SPG11: variants seen among roughly 807,000 people sequenced by gnomAD.
SPG11 encodes the protein spatacsin.
A neutral mutation model predicts 274.0 loss-of-function variants in SPG11; 222 were observed. The observed-to-expected ratio is 0.81, with a 90% CI of 0.73 to 0.91. The LOEUF (loss-of-function observed/expected upper bound fraction) is 0.91, where lower values mean the gene tolerates loss of function less well. Among genes scored for constraint, SPG11 ranks in the 40% least tolerant of loss-of-function variants. The pLI, the probability that SPG11 is intolerant of heterozygous loss-of-function variation, is 0.00. For synonymous variants in SPG11, 1,144 were observed against 1,039.7 expected, an observed-to-expected ratio of 1.10 and a Z score of -1.93; for missense variants, 3,114 against 2,872.7, an observed-to-expected ratio of 1.08 and a Z score of -1.92.
chr15:44,633,927 C>T (rs2141057921), intron 7 of SPG11, among the ~76,000 whole-genome samples: 1 of 152,040 alleles, frequency 6.6e-6, no homozygotes, highest in East Asian at 1.9e-4. Context: ...CAACCTTTAT[C>T]TCTCAGGTTC....
intron 11 of SPG11, among the ~76,000 whole-genome samples, chr15:44,624,255 A>G (rs1465888174): frequency 3.3e-5 from 5 of 152,020 alleles, no homozygotes; most frequent in Non-Finnish European, 7.4e-5. Flanking sequence ...TGGGAGACCA[A>G]GGCAGGAGGA....
chr15:44,588,783 A>G (rs562148408), intron 28 of SPG11: 1 of 294,922 alleles, frequency 3.4e-6, no homozygotes, highest in African/African-American at 2.2e-5. Flanking sequence ...GGCAATGTTA[A>G]TTACCGTCTA....
In SPG11 at chr15:44,600,353, T is replaced by C. The variant is rs1433262104; in HGVS notation, c.3686+114A>G. On this transcript the variant is annotated intron_variant, in intron 21 of 39. Coordinates refer to ENST00000261866, the MANE Select transcript of SPG11 (RefSeq NM_025137.4). ...AGGCTAGAGTGCAGTGGCATGACCA[T>C]AGCTCACTGCTTCCTTGAACTCCTG... 2.3e-5 allele frequency: 27 copies of C among 1,149,806 alleles called. 1 individual carries two copies. The highest frequency in any genetic ancestry group is 2.0e-4 in the Middle Eastern group (1 of 5,088). The allele number at this position is 1,149,806 out of a possible 1,614,324, so 71.2% of individuals were successfully genotyped here.
Position 44,622,253 on chromosome 15 carries a change from A to C in SPG11, c.2411T>G (p.Phe804Cys). ...HQVEKLYLGH[F>C]QENMQIQSFP... is the part of the protein sequence containing the mutation. ...TGACTGGATTTGCATATTTTCTTGG[A>C]AATGTCCCAAATAAAGCTTCTCAAC... Residue 804 changes from phenylalanine (F) to cysteine (C), a missense_variant, in exon 13 of 40, where the codon TTC (phenylalanine) becomes TGC (cysteine). Physicochemically the swap from Phe to Cys is radical, Grantham distance 205. Transcript: ENST00000261866. 1 of 1,612,276 alleles carries C rather than the reference A, an allele frequency of 6.2e-7. No individual in the cohort carries two copies. Among genetic ancestry groups the C allele is most frequent in the Non-Finnish European group, 8.5e-7 (1 of 1,178,536 alleles).
In SPG11 at chr15:44,609,192, C is replaced by T. The variant is rs916957130; in HGVS notation, c.3292-587G>A. On this transcript the variant is annotated intron_variant, in intron 18 of 39. Transcript: ENST00000261866. ...GTGGGCCCAGGCTGGAGTGCAATGG[C>T]GCGATCTCGGCTCACTGCAAGCTCC... is the stretch of plus-strand genomic sequence containing the variant. 4.0e-5 allele frequency among the ~76,000 whole-genome samples: 6 copies of T among 151,638 alleles called. No individual in the cohort carries two copies. The East Asian group carries it at 5.8e-4, about 15-fold the overall frequency.
At chr15:44,595,970 G>T (rs2083025047) in intron 25 of SPG11, 113 bp downstream of exon 25, 2 of 1,398,420 alleles carry the variant, frequency 1.4e-6, no homozygotes, top group South Asian at 2.4e-5. Context: ...GGAAACACAT[G>T]CTGGAACCTC....
At chr15:44,590,068 A>G (rs1478622169) in intron 27 of SPG11, among the ~76,000 whole-genome samples, 1 of 152,150 alleles carries the variant, frequency 6.6e-6, no homozygotes. Flanking sequence ...TGGCCTCCCA[A>G]AGTGCTGGGA....
intron 20 of SPG11, among the ~76,000 whole-genome samples, chr15:44,605,133 G>C (rs2083288474): frequency 6.6e-6 from 1 of 152,038 alleles, no homozygotes; most frequent in Admixed American, 6.6e-5. Context: ...CCACCTAAGT[G>C]ATGGAGTTGG....
chr15:44,584,693 G>T, intron 29 of SPG11, 135 bp from the exon 30 acceptor site: 1 of 1,058,222 alleles, frequency 9.4e-7, no homozygotes, highest in South Asian at 1.3e-5. Context: ...CAGTGGTGGC[G>T]ATCACAGCAC....
Position 44,621,776 on chromosome 15 carries a change from G to T in SPG11, c.2603C>A (p.Pro868His). The T allele has an allele frequency of 6.2e-7, 1 of 1,613,692 alleles. No homozygotes were observed. The highest frequency in any genetic ancestry group is 1.1e-5 in the South Asian group (1 of 91,070). Residue 868 changes from proline (P) to histidine (H), a missense_variant, in exon 14 of 40, where the codon CCC (proline) becomes CAC (histidine). Pro to His is a moderately conservative substitution (Grantham distance 77). Transcript: ENST00000261866. ...ACACTTGCCTTCTGGACTTATCCTG[G>T]GGAGAAGGATGGATTCTTGTGTTAG... ...DQLTQESILL[P>H]RISPEEYKSY...
intron 36 of SPG11, 58 bp downstream of exon 36, chr15:44,567,366 A>AG (rs1434488783): frequency 8.3e-6 from 13 of 1,565,562 alleles, no homozygotes; most frequent in African/African-American, 1.4e-5. Context: ...AAAAAAAAAA[A>AG]AGGAATTTTA....
intron 7 of SPG11, among the ~76,000 whole-genome samples, chr15:44,642,564 T>C (rs1198907483): frequency 6.6e-6 from 1 of 151,560 alleles, no homozygotes; most frequent in African/African-American, 2.4e-5. Context: ...TGAGAATGGT[T>C]AAAAATTTCA....
At chr15:44,621,966 T>A (rs189428807) in intron 13 of SPG11, 32 bp from the exon 14 acceptor site, 737 of 1,516,288 alleles carry the variant, frequency 4.9e-4, no homozygotes, top group Middle Eastern at 1.8e-3. Context: ...TTTTTTTTTT[T>A]AATTTTGGAG....
chr15:44,629,197 C>A (rs748852777), intron 9 of SPG11, 36 bp downstream of exon 9: 2 of 1,607,358 alleles, frequency 1.2e-6, no homozygotes, highest in South Asian at 2.2e-5. Context: ...GACACAGGAA[C>A]AGTAGAATTG....
rs1390507027 is a variant in SPG11 at position 44,596,330 on chromosome 15, C to A, written c.4187G>T (p.Ser1396Ile). ...CCTTAAGTGGTCTTGAATGACTGGG[C>A]TGAAGTACTGGATAAGGGATTTCAC... is the stretch of plus-strand genomic sequence containing the variant. ...AEVKSLIQYF[S>I]PVIQDHLRLA... is the part of the protein sequence containing the mutation. Residue 1396 changes from serine (S) to isoleucine (I), a missense_variant, in exon 25 of 40, where the codon AGC (serine) becomes ATC (isoleucine). Physicochemically the swap from Ser to Ile is moderately radical, Grantham distance 142. Transcript: ENST00000261866. The A allele has an allele frequency of 1.2e-6, 2 of 1,614,120 alleles. No homozygotes were observed. The highest frequency in any genetic ancestry group is 1.7e-6 in the Non-Finnish European group (2 of 1,180,016).
intron 7 of SPG11, among the ~76,000 whole-genome samples, chr15:44,643,514 A>G (rs2084515073): frequency 6.6e-6 from 1 of 152,188 alleles, no homozygotes; most frequent in Non-Finnish European, 1.5e-5. Context: ...TTCCTCCTTC[A>G]TGCCATATAA....
intron 7 of SPG11, among the ~76,000 whole-genome samples, chr15:44,644,210 A>G (rs991168975): frequency 3.9e-5 from 6 of 152,140 alleles, no homozygotes; most frequent in Non-Finnish European, 7.4e-5. Context: ...AGTGAACTGA[A>G]TCCAGCAATA....
At chr15:44,585,430 CAAAAAAAA>C (rs67858533) in intron 29 of SPG11, among the ~76,000 whole-genome samples, 198 bp downstream of exon 29, 1 of 97,294 alleles carries the variant, frequency 1.0e-5, no homozygotes, top group Admixed American at 1.3e-4. Flanking sequence ...ACTAAAAATA[CAAAAAAAA>C]AAAAAAAAAA....
chr15:44,625,179 T>C lies in SPG11; in HGVS notation c.2244+1152A>G, dbSNP rs369109035. Among the ~76,000 whole-genome samples the C allele has an allele frequency of 1.4e-4, 21 of 150,058 alleles. 1 individual carries two copies. In the East Asian group the frequency reaches 3.1e-3, roughly 22 times the overall value. ...CTCTCAGTACCAAAACATTTCTCAG[T>C]GTTATTTCTCTTTTAGATTTAGAGA... On this transcript the variant is annotated intron_variant, in intron 11 of 39. Coordinates refer to ENST00000261866, the MANE Select transcript of SPG11 (RefSeq NM_025137.4).
Sources: allele counts gnomAD v4.1 joint callset (sites outside exome capture counted in the v4.1 genomes callset), GRCh38; gene constraint gnomAD v4.1.1; transcripts MANE v1.5; gene names NCBI Gene and HGNC (gene_info 2026-07-23, HGNC 2026-07-21).